The following KAT8 variants were observed in gnomAD, a reference collection of about 807,000 sequenced individuals.
KAT8 encodes histone acetyltransferase KAT8.
A neutral mutation model predicts 62.9 loss-of-function variants in KAT8; 40 were observed. The observed-to-expected ratio is 0.64, with a 90% CI of 0.49 to 0.83. The LOEUF is 0.83. KAT8 is among the 40% of genes least tolerant of loss of function. The pLI, the probability that KAT8 is intolerant of heterozygous loss-of-function variation, is 0.00. For missense variants in KAT8, 387 were observed against 614.8 expected, an observed-to-expected ratio of 0.63 and a Z score of 3.92; for synonymous variants, 278 against 254.5, an observed-to-expected ratio of 1.09 and a Z score of -0.88.
intron 3 of KAT8, among the ~76,000 whole-genome samples, chr16:31,125,199 A>G (rs1227564420): frequency 3.3e-5 from 5 of 151,852 alleles, no homozygotes; most frequent in Admixed American, 1.3e-4. Flanking sequence ...CTCAGAAGAA[A>G]AAAAAAAAAA....
intron 6 of KAT8, among the ~76,000 whole-genome samples, chr16:31,129,362 C>T (rs1163546185): frequency 1.3e-5 from 2 of 152,184 alleles, no homozygotes; most frequent in African/African-American, 2.4e-5. Flanking sequence ...TTTCCAACTG[C>T]GCTCTGCCAG....
At chr16:31,119,778 C>G (rs1195516210) in intron 1 of KAT8, among the ~76,000 whole-genome samples, 1 of 151,936 alleles carries the variant, frequency 6.6e-6, no homozygotes, top group Non-Finnish European at 1.5e-5. Flanking sequence ...CAGGTTCAAG[C>G]AATTTTCCTG....
chr16:31,123,383 A>AT (rs1172502968), intron 3 of KAT8, among the ~76,000 whole-genome samples: 3 of 150,878 alleles, frequency 2.0e-5, no homozygotes, highest in Non-Finnish European at 3.0e-5. Flanking sequence ...TGCCTGGCTA[A>AT]TTTTTGTATT....
rs184505322 is a variant in KAT8 at position 31,123,699 on chromosome 16, A to T, written c.462+3185A>T. 4 of 151,180 alleles carry T rather than the reference A, an allele frequency of 2.6e-5. No individual in the cohort carries two copies. The East Asian group carries it at 5.9e-4, about 22-fold the overall frequency. 9.4% of individuals were successfully genotyped at this position (151,180 alleles called of 1,614,324 possible). On this transcript the variant is annotated intron_variant, in intron 3 of 10. Transcript: ENST00000219797. ...TTTTTATTTTTTATTTTTAGTAGAGATGGGGTTTCGCCATGTTGGCCAGAC... is the reference window on the plus strand; with the variant it reads ...TTTTTATTTTTTATTTTTAGTAGAGTTGGGGTTTCGCCATGTTGGCCAGAC...
In KAT8 at chr16:31,118,216, GTC is replaced by G. The variant is rs372425390; in HGVS notation, c.211+328_211+329del. The stretch of plus-strand genomic sequence containing the variant: ...TAACGCTGCTTCCTCACCCTCTCTT[GTC>G]TCTGCGTCTTCTTTTTCCATTTGTC... On this transcript the variant is annotated intron_variant, in intron 1 of 10. Coordinates refer to ENST00000219797, the MANE Select transcript of KAT8 (RefSeq NM_032188.3). The G allele has an allele frequency of 2.6e-4, 70 of 267,698 alleles. No homozygotes were observed. In the East Asian group the frequency reaches 3.4e-3, roughly 13 times the overall value. 16.6% of individuals were successfully genotyped at this position (267,698 alleles called of 1,614,324 possible).
intron 3 of KAT8, among the ~76,000 whole-genome samples, chr16:31,121,614 G>A (rs1461378724): frequency 6.6e-6 from 1 of 152,068 alleles, no homozygotes; most frequent in South Asian, 2.1e-4. Context: ...GTCTTGGTGT[G>A]TTGCTCAGGC....
intron 3 of KAT8, among the ~76,000 whole-genome samples, chr16:31,121,819 A>G (rs1354803843): frequency 6.6e-6 from 1 of 151,634 alleles, no homozygotes; most frequent in Admixed American, 6.6e-5. Flanking sequence ...TGGCACAATC[A>G]TGGCTCACTT....
Position 31,130,755 on chromosome 16 carries a change from C to A in KAT8, c.1167C>A (p.Thr389=). ...TCATCCCTTTTTGCAGCCAGATGAC[C>A]AGTATCACCCAAAATGACATCATCA... The part of the protein sequence containing the change: ...TLSIKDLSQM[T]SITQNDIIST... Residue 389 remains threonine (T), a synonymous_variant, in exon 10 of 11, where the codon ACC becomes ACA. Coordinates refer to ENST00000219797, the MANE Select transcript of KAT8 (RefSeq NM_032188.3). The A allele has an allele frequency of 6.2e-7, 1 of 1,614,110 alleles. No individual in the cohort carries two copies.
At chr16:31,127,468 A>AG in intron 5 of KAT8, 115 bp downstream of exon 5, 5 of 1,079,850 alleles carry the variant, frequency 4.6e-6, no homozygotes, top group Non-Finnish European at 6.8e-6. Context: ...GGCCCAAAGG[A>AG]GCGAGTACAG....
intron 3 of KAT8, among the ~76,000 whole-genome samples, chr16:31,122,850 G>A (rs1426308961): frequency 6.6e-6 from 1 of 151,402 alleles, no homozygotes; most frequent in African/African-American, 2.4e-5. Flanking sequence ...GCTCACTCCA[G>A]CCTGGGTGAC....
intron 3 of KAT8, chr16:31,126,219 A>T (rs966597211): frequency 6.6e-6 from 1 of 152,332 alleles, no homozygotes; most frequent in East Asian, 1.9e-4. Context: ...AGAAGCATGA[A>T]GGCCGCTAAA....
Position 31,130,347 on chromosome 16 carries a change from C to T in KAT8, c.993C>T (p.Phe331=). ...PPYQRRGYGK[F]LIAFSYELSK... is the part of the protein sequence containing the mutation. ...ACCAACGCCGCGGCTACGGGAAGTT[C>T]CTCATCGCTTTCAGTGAGTGGTTCC... The change falls in exon 8 of 11, where the codon TTC becomes TTT. Residue 331 remains phenylalanine, a synonymous_variant. Transcript: ENST00000219797. The T allele has an allele frequency of 1.2e-6, 2 of 1,614,248 alleles. No homozygotes were observed. The highest frequency in any genetic ancestry group is 1.7e-6 in the Non-Finnish European group (2 of 1,180,030).
chr16:31,125,173 CAG>C (rs978590715), intron 3 of KAT8, among the ~76,000 whole-genome samples: 3 of 151,278 alleles, frequency 2.0e-5, no homozygotes, highest in Admixed American at 1.3e-4. Flanking sequence ...GCCTGGGCGA[CAG>C]AGTGAGAGTC....
rs1388620612 is a variant in KAT8 at position 31,127,030 on chromosome 16, C to G, written c.463-5C>G. The G allele has an allele frequency of 6.2e-7, 1 of 1,614,214 alleles. No homozygotes were observed. The highest frequency in any genetic ancestry group is 1.1e-5 in the South Asian group (1 of 91,086). On this transcript the variant is annotated splice_region_variant and splice_polypyrimidine_tract_variant and intron_variant, in intron 3 of 10. Transcript: ENST00000219797. ...ACCTCTGCCCACTTTTCTTTCCTGG[C>G]CCAGACTTATGCAGAGATGGACCCC...
intron 5 of KAT8, among the ~76,000 whole-genome samples, chr16:31,127,778 G>C (rs2057543886): frequency 6.6e-6 from 1 of 152,232 alleles, no homozygotes; most frequent in African/African-American, 2.4e-5. Context: ...GTTTAGGGAA[G>C]CCATTGTCAT....
In KAT8 at chr16:31,120,254, G is replaced by A; in HGVS notation, c.280G>A (p.Val94Met). 2 of 1,614,182 alleles carry A rather than the reference G, an allele frequency of 1.2e-6. No individual in the cohort carries two copies. The highest frequency in any genetic ancestry group is 2.2e-5 in the East Asian group (1 of 44,886). ...EGREEFYVHY[V>M]GFNRRLDEWV... ...CCGAGAGGAATTCTATGTACACTAC[G>A]TGGGCTGTGAGTGGCTTGGCACATC... Residue 94 changes from valine to methionine, a missense_variant, in exon 2 of 11, where the codon GTG becomes ATG. Val to Met is a conservative substitution (Grantham distance 21). This residue lies in a region of KAT8 where 69 missense variants were observed against 127.0 expected (regional missense o/e 0.54). Coordinates refer to ENST00000219797, the MANE Select transcript of KAT8 (RefSeq NM_032188.3).
chr16:31,117,790 TC>T lies in KAT8; in HGVS notation c.113del (p.Pro38ArgfsTer38). 2 of 1,409,816 alleles carry T rather than the reference TC, an allele frequency of 1.4e-6. No homozygotes were observed. The highest frequency in any genetic ancestry group is 1.9e-6 in the Non-Finnish European group (2 of 1,070,708). 87.3% of individuals were successfully genotyped at this position (1,409,816 alleles called of 1,614,324 possible). On this transcript the variant is annotated frameshift_variant, in exon 1 of 11. Coordinates refer to ENST00000219797, the MANE Select transcript of KAT8 (RefSeq NM_032188.3). LOFTEE classifies it high-confidence loss of function. Reference sequence around the variant, plus strand: ...TGCGGCCGCTGAGGGGACCGCCCCATCCCCGGGCCGCGTCTCTCCGCCGACC... The same window carrying T: ...TGCGGCCGCTGAGGGGACCGCCCCATCCCGGGCCGCGTCTCTCCGCCGACC... ...ENAAAEGTAP[S>X]PGRVSPPTPA...
At chr16:31,117,927 AG>A (rs1180358912) in intron 1 of KAT8, 35 bp downstream of exon 1, 5 of 1,089,928 alleles carry the variant, frequency 4.6e-6, no homozygotes, top group Non-Finnish European at 5.9e-6. Context: ...GGCGGGGCGG[AG>A]CTCAGGGCCA....
chr16:31,129,222 C>T (rs2143991305), intron 6 of KAT8, among the ~76,000 whole-genome samples: 1 of 152,300 alleles, frequency 6.6e-6, no homozygotes, highest in African/African-American at 2.4e-5. Context: ...TTATCGGTGA[C>T]CTCTTGGGGC....
Sources: gnomAD v4.1 joint callset for allele counts (sites outside exome capture counted in the v4.1 genomes callset) on GRCh38, gnomAD v4.1.1 for gene constraint, gnomAD v4.1.1 regional missense constraint, MANE v1.5 for transcripts, NCBI Gene and HGNC (gene_info 2026-07-23, HGNC 2026-07-21) for gene names.